The following EDA variants were observed in gnomAD, a reference collection of about 807,000 sequenced individuals.
The protein encoded by EDA is ectodysplasin A, also known as ectodysplasin-A.
Under a neutral mutation model 23.6 loss-of-function variants are expected in EDA, and 2 were observed. The ratio of observed to expected loss-of-function variants is 0.08; its 90% CI spans 0.03 to 0.27. EDA has a LOEUF of 0.27. Ranked by LOEUF, EDA falls within the 10% of genes least tolerant of loss-of-function variation. EDA has a pLI of 1.00. For synonymous variants in EDA, 131 were observed against 132.0 expected (o/e 0.99, Z 0.05); for missense variants, 229 against 324.2 (o/e 0.71, Z 2.26).
intron 1 of EDA, among the ~76,000 whole-genome samples, chrX:69,626,454 T>C (rs1408413381): frequency 1.8e-5 from 2 of 112,155 alleles, no homozygotes; most frequent in Non-Finnish European, 3.8e-5. Context: ...CAATGCAATA[T>C]TTTTCAGCCA....
Position 69,717,698 on chromosome X carries a change from T to A in EDA, c.396+100994T>A, listed in dbSNP as rs979258517. ...CCATGCCTGGCTAATTTTTTGTATT[T>A]TTAGTAGAGACAGGGTTTCACTGTG... On this transcript the variant is annotated intron_variant, in intron 1 of 7. Coordinates refer to ENST00000374552, the MANE Select transcript of EDA (RefSeq NM_001399.5). 1.4e-4 allele frequency among the ~76,000 whole-genome samples: 15 copies of A among 109,944 alleles called. No individual in the cohort carries two copies. The Admixed American group carries it at 1.5e-3, about 11-fold the overall frequency.
At chrX:69,927,329 C>T (rs1217114115) in intron 1 of EDA, among the ~76,000 whole-genome samples, 1 of 111,705 alleles carries the variant, frequency 9.0e-6, no homozygotes, top group Non-Finnish European at 1.9e-5. Context: ...CTTTCAGGAG[C>T]TCTTGCAAGG....
intron 1 of EDA, among the ~76,000 whole-genome samples, chrX:69,661,887 C>T (rs1273455103): frequency 8.9e-6 from 1 of 111,841 alleles, no homozygotes; most frequent in African/African-American, 3.3e-5. Flanking sequence ...TTATGGGATA[C>T]ATATACATAG....
chrX:69,802,730 A>C (rs1332123964), intron 1 of EDA, among the ~76,000 whole-genome samples: 1 of 111,291 alleles, frequency 9.0e-6, no homozygotes, highest in East Asian at 2.8e-4. Context: ...TCATGGACAA[A>C]CTGTAATATA....
At chrX:69,977,919 G>A (rs1193704581) in intron 2 of EDA, among the ~76,000 whole-genome samples, 1 of 111,356 alleles carries the variant, frequency 9.0e-6, no homozygotes, top group Non-Finnish European at 1.9e-5. Flanking sequence ...GTATTGACAA[G>A]ATCAATGCAT....
intron 1 of EDA, among the ~76,000 whole-genome samples, chrX:69,758,139 C>G (rs1230031444): frequency 1.8e-5 from 2 of 112,287 alleles, no homozygotes; most frequent in Admixed American, 9.4e-5. Flanking sequence ...TACATGTGCT[C>G]CTCTTTGGAA....
chrX:69,775,774 CTA>C lies in EDA; in HGVS notation c.396+159074_396+159075del, dbSNP rs778248214. Reference sequence around the variant, plus strand: ...AAAAGTTATAGATGATAGTTACAACCTATATCTGTCTCAACATCTATTATATT... The same window carrying C: ...AAAAGTTATAGATGATAGTTACAACCTATCTGTCTCAACATCTATTATATT... On this transcript the variant is annotated intron_variant, in intron 1 of 7. Transcript: ENST00000374552. Among the ~76,000 whole-genome samples, 7 of 111,889 alleles carry C rather than the reference CTA, an allele frequency of 6.3e-5. No homozygotes were observed. In the South Asian group the frequency reaches 2.6e-3, roughly 41 times the overall value.
At chrX:69,670,778 A>G (rs1933865149) in intron 1 of EDA, among the ~76,000 whole-genome samples, 1 of 110,838 alleles carries the variant, frequency 9.0e-6, no homozygotes, top group Non-Finnish European at 1.9e-5. Flanking sequence ...AATGATATCT[A>G]TCTCTTTGTT....
intron 1 of EDA, among the ~76,000 whole-genome samples, chrX:69,696,254 G>A (rs923581991): frequency 2.8e-5 from 3 of 105,650 alleles, no homozygotes; most frequent in Non-Finnish European, 5.9e-5. Flanking sequence ...AAAAAAAAAC[G>A]TGGATCAAGA....
chrX:69,718,247 C>G (rs2012425391), intron 1 of EDA, among the ~76,000 whole-genome samples: 1 of 111,942 alleles, frequency 8.9e-6, no homozygotes, highest in African/African-American at 3.2e-5. Flanking sequence ...CATCTGCAAA[C>G]AAAGATAGTT....
chrX:69,786,806 T>C (rs1365300618), intron 1 of EDA, among the ~76,000 whole-genome samples: 1 of 111,349 alleles, frequency 9.0e-6, no homozygotes, highest in Non-Finnish European at 1.9e-5. Flanking sequence ...GTCTATTAGG[T>C]CCGCTTGGTG....
Position 69,826,989 on chromosome X carries a change from A to G in EDA, c.397-130038A>G, listed in dbSNP as rs187911811. Among the ~76,000 whole-genome samples the G allele has an allele frequency of 5.3e-5, 6 of 112,313 alleles. No homozygotes were observed. In the East Asian group the frequency reaches 1.1e-3, roughly 21 times the overall value. ...AGTTTGGCTGGATATGAAATTCTGCATTGAAAATTCTTTTCTTTAGGAATG... is the reference window on the plus strand; with the variant it reads ...AGTTTGGCTGGATATGAAATTCTGCGTTGAAAATTCTTTTCTTTAGGAATG... On this transcript the variant is annotated intron_variant, in intron 1 of 7. Coordinates refer to ENST00000374552, the MANE Select transcript of EDA (RefSeq NM_001399.5).
chrX:69,787,054 T>A (rs2015213738), intron 1 of EDA, among the ~76,000 whole-genome samples: 1 of 103,970 alleles, frequency 9.6e-6, no homozygotes, highest in African/African-American at 3.4e-5. Flanking sequence ...AATGGCCTTC[T>A]TTGTCTCTTT....
intron 1 of EDA, among the ~76,000 whole-genome samples, chrX:69,864,927 G>A (rs1485724984): frequency 9.0e-6 from 1 of 111,312 alleles, no homozygotes; most frequent in African/African-American, 3.3e-5. Context: ...GGAGGTGGAG[G>A]TTGCAGTGAG....
chrX:69,906,776 C>G (rs915699148), intron 1 of EDA, among the ~76,000 whole-genome samples: 11 of 111,841 alleles, frequency 9.8e-5, no homozygotes, highest in Non-Finnish European at 1.7e-4. Context: ...CATACACACC[C>G]CTACAGGTTG....
At position 69,988,575 on chromosome X, in the gene EDA, G is replaced by A. The variant is rs1405578752; in HGVS notation, c.502+31443G>A. Among the ~76,000 whole-genome samples the A allele has an allele frequency of 6.2e-5, 7 of 112,166 alleles. No individual in the cohort carries two copies. In the East Asian group the frequency reaches 1.7e-3, roughly 27 times the overall value. ...ATAAAAATTTTAAAGACTAGTAAGG[G>A]CCAGTCGCGGTGGCTCATGCCTGTA... On this transcript the variant is annotated intron_variant, in intron 2 of 7. Coordinates refer to ENST00000374552, the MANE Select transcript of EDA (RefSeq NM_001399.5).
chrX:69,878,129 A>G (rs1370540625), intron 1 of EDA, among the ~76,000 whole-genome samples: 2 of 112,048 alleles, frequency 1.8e-5, no homozygotes, highest in Non-Finnish European at 3.8e-5. Context: ...ACCTGGAATC[A>G]ACAGTATATT....
intron 1 of EDA, among the ~76,000 whole-genome samples, chrX:69,694,443 T>A (rs1183390697): frequency 8.9e-6 from 1 of 112,248 alleles, no homozygotes; most frequent in Non-Finnish European, 1.9e-5. Flanking sequence ...ATAAAACTAG[T>A]TTCTTCATTA....
intron 1 of EDA, among the ~76,000 whole-genome samples, chrX:69,772,383 C>G (rs918677581): frequency 9.0e-6 from 1 of 111,501 alleles, no homozygotes; most frequent in African/African-American, 3.3e-5. Flanking sequence ...GGAATAAGAC[C>G]CATTTATAAT....
Sources: gnomAD v4.1 joint callset for allele counts (sites outside exome capture counted in the v4.1 genomes callset) on GRCh38, gnomAD v4.1.1 for gene constraint, MANE v1.5 for transcripts, NCBI Gene and HGNC (gene_info 2026-07-23, HGNC 2026-07-21) for gene names.